CIDEB: variants seen among roughly 807,000 people sequenced by gnomAD.
CIDEB encodes the protein lipid transferase CIDEB.
Under a neutral mutation model 22.4 loss-of-function variants are expected in CIDEB, and 27 were observed. The observed-to-expected ratio is 1.21, with a 90% CI of 0.89 to 1.66. CIDEB has a LOEUF of 1.66. Ranked by LOEUF, CIDEB falls within the 40% of genes most tolerant of loss-of-function variation. The probability of loss-of-function intolerance (pLI) is 0.00; values close to 1 mark genes in which losing one functional copy is unlikely to be tolerated. For synonymous variants in CIDEB, 103 were observed against 109.5 expected (o/e 0.94, Z 0.37); for missense variants, 289 against 268.7 (o/e 1.08, Z -0.53).
In CIDEB at chr14:24,305,483, A is replaced by C; in HGVS notation, c.*150T>G. 1 of 926,662 alleles carries C rather than the reference A, an allele frequency of 1.1e-6. No homozygotes were observed. Among genetic ancestry groups the C allele is most frequent in the South Asian group, 1.7e-5 (1 of 58,456 alleles). 57.4% of individuals were successfully genotyped at this position (926,662 alleles called of 1,614,324 possible). ...ACTTGGGATGTGAGGCGTTATGCTGAAAGGTTCTGTCACGAGGGGATCAGA... is the reference window on the plus strand; with the variant it reads ...ACTTGGGATGTGAGGCGTTATGCTGCAAGGTTCTGTCACGAGGGGATCAGA... On this transcript the variant is annotated 3_prime_UTR_variant, in exon 5 of 5. Transcript: ENST00000554411.
upstream of CIDEB, chr14:24,310,368 A>G: frequency 1.6e-6 from 1 of 609,328 alleles, no homozygotes; most frequent in Non-Finnish European, 2.9e-6. Flanking sequence ...GGTGGTAGAG[A>G]TAGTGACAGC....
rs1566415812 is a variant in CIDEB, at chr14:24,305,966, C to T, written c.508G>A (p.Gly170Ser). ...YSMSCDFQGL[G>S]PKKVLRELLR... ...TCTGACCTGAGTACTTTCTTTGGGC[C>T]AAGTCCTTGAAAGTCACAACTCATA... Residue 170 changes from glycine (G) to serine (S), a missense_variant, in exon 4 of 5, where the codon GGC becomes AGC. By Grantham distance (56) the Gly-to-Ser change is moderately conservative. Coordinates refer to ENST00000554411, the MANE Select transcript of CIDEB (RefSeq NM_001393339.1). The T allele has an allele frequency of 6.2e-7, 1 of 1,613,748 alleles. No individual in the cohort carries two copies. The highest frequency in any genetic ancestry group is 8.5e-7 in the Non-Finnish European group (1 of 1,179,806).
upstream of CIDEB, chr14:24,307,985 G>C (rs2041573047): frequency 2.3e-6 from 2 of 873,714 alleles, no homozygotes; most frequent in Admixed American, 2.1e-5. Flanking sequence ...AATGAGTCAA[G>C]CCTGGACTCT....
chr14:24,307,267 C>A, intron 2 of CIDEB, 104 bp downstream of exon 2: 2 of 1,269,900 alleles, frequency 1.6e-6, no homozygotes, highest in Non-Finnish European at 1.1e-6. Flanking sequence ...GAGGGAGGGG[C>A]AGCTGTGTGA....
chr14:24,310,511 TC>T (rs2041654913), upstream of CIDEB: 1 of 830,892 alleles, frequency 1.2e-6, no homozygotes, highest in African/African-American at 1.7e-5. Context: ...GTCTGGGTCC[TC>T]GTGGAAGTCA....
upstream of CIDEB, chr14:24,311,111 C>T (rs1326001805): frequency 1.3e-6 from 2 of 1,573,990 alleles, no homozygotes; most frequent in South Asian, 2.3e-5. Context: ...GGCTGGCCGC[C>T]CTGTTGCTCG....
upstream of CIDEB, chr14:24,310,837 C>T: frequency 3.8e-6 from 6 of 1,595,174 alleles, no homozygotes; most frequent in Non-Finnish European, 5.1e-6. Flanking sequence ...CCGCTGGCGG[C>T]CACGCTTGTG....
In CIDEB at chr14:24,307,833, G is replaced by A; in HGVS notation, c.26C>T (p.Pro9Leu). MEYLSALN[P>L]SDLLRSVSNI... ...TAGCAGTCACCTGAGTAAGTCACTG[G>A]GGTTCAGAGCTGAGAGGTACTCCAT... Residue 9 changes from proline (P) to leucine (L), a missense_variant, in exon 1 of 5, where the codon CCC (proline) becomes CTC (leucine). Physicochemically the swap from Pro to Leu is moderately conservative, Grantham distance 98. Coordinates refer to ENST00000554411, the MANE Select transcript of CIDEB (RefSeq NM_001393339.1). 1 of 1,595,814 alleles carries A rather than the reference G, an allele frequency of 6.3e-7. No individual in the cohort carries two copies. The highest frequency in any genetic ancestry group is 8.5e-7 in the Non-Finnish European group (1 of 1,170,892).
Position 24,306,513 on chromosome 14 carries a change from GT to G in CIDEB, c.196del (p.Thr66ProfsTer4), listed in dbSNP as rs760842413. The G allele has an allele frequency of 1.2e-6, 2 of 1,614,118 alleles. No homozygotes were observed. The highest frequency in any genetic ancestry group is 3.3e-5 in the Admixed American group (2 of 60,006). On this transcript the variant is annotated frameshift_variant, in exon 3 of 5. Coordinates refer to ENST00000554411, the MANE Select transcript of CIDEB (RefSeq NM_001393339.1). LOFTEE classifies it high-confidence loss of function. ...RQELLAKALE[T>X]LLLNGVLTLV... ...GGTTAGCACTCCATTCAGCAGTAGGGTCTCCAATGCCTGCCCAATGGCAAGA... is the reference window on the plus strand; with the variant it reads ...GGTTAGCACTCCATTCAGCAGTAGGGCTCCAATGCCTGCCCAATGGCAAGA...
chr14:24,306,142 A>T lies in CIDEB; in HGVS notation c.337-5T>A. The T allele has an allele frequency of 6.2e-7, 1 of 1,612,570 alleles. No homozygotes were observed. Among genetic ancestry groups the T allele is most frequent in the Non-Finnish European group, 8.5e-7 (1 of 1,179,114 alleles). Reference sequence around the variant, plus strand: ...GCCATATGACAGCACTCCACTCTGTAGGACACCCTTGTCAGTGCAGTAGAT... The same window carrying T: ...GCCATATGACAGCACTCCACTCTGTTGGACACCCTTGTCAGTGCAGTAGAT... On this transcript the variant is annotated splice_region_variant and splice_polypyrimidine_tract_variant and intron_variant, in intron 3 of 4. Transcript: ENST00000554411.
upstream of CIDEB, chr14:24,311,259 G>A (rs747086372): frequency 1.7e-5 from 27 of 1,603,808 alleles, no homozygotes; most frequent in Non-Finnish European, 1.7e-5. Context: ...GCTGATGCTC[G>A]GCTGCTACAG....
upstream of CIDEB, chr14:24,310,721 G>GC: frequency 6.2e-7 from 1 of 1,612,330 alleles, no homozygotes; most frequent in Non-Finnish European, 8.5e-7. Flanking sequence ...GGAAGACTTC[G>GC]CGGGCCACAG....
chr14:24,305,450 G>T lies in CIDEB; in HGVS notation c.*183C>A. 1.4e-6 allele frequency: 1 copy of T among 709,296 alleles called. No individual in the cohort carries two copies. The highest frequency in any genetic ancestry group is 2.2e-6 in the Non-Finnish European group (1 of 445,852). 43.9% of individuals were successfully genotyped at this position (709,296 alleles called of 1,614,324 possible). On this transcript the variant is annotated 3_prime_UTR_variant, in exon 5 of 5. Coordinates refer to ENST00000554411, the MANE Select transcript of CIDEB (RefSeq NM_001393339.1). Reference sequence around the variant, plus strand: ...GGAAAGAACAGCATTCTTCAGGTAAGGGTATAGACTTGGGATGTGAGGCGT... The same window carrying T: ...GGAAAGAACAGCATTCTTCAGGTAATGGTATAGACTTGGGATGTGAGGCGT...
At chr14:24,308,479 C>T (rs964729197), upstream of CIDEB, 9 of 153,380 alleles carry the variant, frequency 5.9e-5, no homozygotes, top group African/African-American at 2.2e-4. Flanking sequence ...TCCTGCTTAC[C>T]TGCTCTTTCC....
Position 24,307,459 on chromosome 14 carries a change from G to A in CIDEB, c.98C>T (p.Pro33Leu), listed in dbSNP as rs752751274. 6.2e-7 allele frequency: 1 copy of A among 1,614,100 alleles called. No individual in the cohort carries two copies. The highest frequency in any genetic ancestry group is 1.1e-5 in the South Asian group (1 of 91,088). The change falls in exon 2 of 5, where the codon CCA becomes CTA. Residue 33 changes from proline (P) to leucine (L), a missense_variant. Transcript: ENST00000554411. ...ACAGACACGGAAAGGTCGCTGGGGT[G>A]GTGGAGCTGAGGTCCAGACCCTCCG... ...FGRRVWTSAPPPQRPFRVCDH... is the reference protein window; with the variant it reads ...FGRRVWTSAPLPQRPFRVCDH...
At chr14:24,311,058 C>T, upstream of CIDEB, 1 of 1,568,764 alleles carries the variant, frequency 6.4e-7, no homozygotes, top group Non-Finnish European at 8.6e-7. Context: ...GGCGCCTCGG[C>T]TGCGCAGCCC....
rs1219993518 is a variant in CIDEB, at chr14:24,307,942, C to T, written c.-84G>A. 1.6e-6 allele frequency: 2 copies of T among 1,266,028 alleles called. No homozygotes were observed. The highest frequency in any genetic ancestry group is 2.3e-6 in the Non-Finnish European group (2 of 887,092). 78.4% of individuals were successfully genotyped at this position (1,266,028 alleles called of 1,614,324 possible). ...GGGGCTTTAGTGGTGTTTTCTGTTA[C>T]AAACCTGGGATCTCAGCCCAGGACA... On this transcript the variant is annotated 5_prime_UTR_variant, in exon 1 of 5. Transcript: ENST00000554411.
intron 1 of CIDEB, 105 bp from the exon 2 acceptor site, chr14:24,307,620 A>C: frequency 9.5e-7 from 1 of 1,051,346 alleles, no homozygotes; most frequent in South Asian, 1.4e-5. Flanking sequence ...GGAGAGATCT[A>C]GGTTTATCGA....
At chr14:24,311,004 C>T (rs753591822), upstream of CIDEB, 26 of 1,586,810 alleles carry the variant, frequency 1.6e-5, no homozygotes, top group Middle Eastern at 1.7e-4. Context: ...GCTCACCGGC[C>T]TGCTCAGCCT....
Sources: gnomAD v4.1 joint callset for allele counts on GRCh38, gnomAD v4.1.1 for gene constraint, MANE v1.5 for transcripts, NCBI Gene and HGNC (gene_info 2026-07-23, HGNC 2026-07-21) for gene names.